The following BCL7C variants were observed in gnomAD, a reference collection of about 807,000 sequenced individuals.
BCL7C encodes the protein B-cell CLL/lymphoma 7 protein family member C.
BCL7C carries 8 observed loss-of-function variants against 26.2 expected under a neutral mutation model. The ratio of observed to expected loss-of-function variants is 0.30; its 90% CI spans 0.18 to 0.55. The LOEUF (loss-of-function observed/expected upper bound fraction) is 0.55. Ranked by LOEUF, BCL7C falls within the 20% of genes least tolerant of loss-of-function variation. The probability of loss-of-function intolerance (pLI) is 0.93; values close to 1 mark genes in which losing one functional copy is unlikely to be tolerated. For synonymous variants in BCL7C, 90 were observed against 116.5 expected (o/e 0.77, Z 1.47); for missense variants, 262 against 298.5 (o/e 0.88, Z 0.90).
In BCL7C at chr16:30,864,077, TAACA is replaced by T. The variant is rs2054800865; in HGVS notation, c.528+24779_528+24782del. On this transcript the variant is annotated intron_variant, in intron 5 of 5. Transcript: ENST00000380317. ...CTCCTAGCCGTTTCTAATCCTTCTT[TAACA>T]AATAATTGCTGGTTTTGCATTTCTC... is the stretch of plus-strand genomic sequence containing the variant. Among the ~76,000 whole-genome samples the T allele has an allele frequency of 2.0e-5, 3 of 152,346 alleles. No individual in the cohort carries two copies. In the East Asian group the frequency reaches 5.8e-4, roughly 29 times the overall value.
intron 5 of BCL7C, among the ~76,000 whole-genome samples, chr16:30,864,124 G>C (rs1450605817): frequency 1.3e-5 from 2 of 151,876 alleles, no homozygotes; most frequent in African/African-American, 4.8e-5. Flanking sequence ...CAAAATCACC[G>C]AGGCCCTGAT....
chr16:30,880,669 A>T (rs1199169816), intron 5 of BCL7C, among the ~76,000 whole-genome samples: 1 of 151,972 alleles, frequency 6.6e-6, no homozygotes, highest in Non-Finnish European at 1.5e-5. Flanking sequence ...CCTTATGCAG[A>T]TGTATGCATT....
chr16:30,836,209 G>A lies in BCL7C; in HGVS notation c.529-1061C>T, dbSNP rs560514003. ...GCAGAAGTTTTAGTGAACCAAGATC[G>A]CATCACTGCACTCCAGCTTTGGTGA... is the stretch of plus-strand genomic sequence containing the variant. On this transcript the variant is annotated intron_variant, in intron 5 of 5. Coordinates refer to the BCL7C transcript ENST00000380317. 6.2e-4 allele frequency among the ~76,000 whole-genome samples: 94 copies of A among 152,286 alleles called. 2 individuals carry two copies. In the South Asian group the frequency reaches 0.018, roughly 29 times the overall value.
chr16:30,853,083 G>A (rs2054690706), intron 5 of BCL7C, among the ~76,000 whole-genome samples: 1 of 151,432 alleles, frequency 6.6e-6, no homozygotes, highest in African/African-American at 2.4e-5. Context: ...TTACAGACAT[G>A]CGCCACCACG....
At chr16:30,846,787 G>T (rs1436704845) in intron 5 of BCL7C, among the ~76,000 whole-genome samples, 1 of 152,198 alleles carries the variant, frequency 6.6e-6, no homozygotes, top group East Asian at 1.9e-4. Context: ...CACACCCTGG[G>T]CTTGAGCTCC....
chr16:30,836,901 C>T (rs181291929), intron 5 of BCL7C, among the ~76,000 whole-genome samples: 1 of 151,946 alleles, frequency 6.6e-6, no homozygotes, highest in East Asian at 1.9e-4. Context: ...TCAAGCGATT[C>T]TCCTGCCTCA....
intron 5 of BCL7C, among the ~76,000 whole-genome samples, chr16:30,879,946 C>T (rs899204108): frequency 1.3e-4 from 20 of 151,168 alleles, no homozygotes; most frequent in Non-Finnish European, 2.7e-4. Context: ...GCCAAGATCA[C>T]GCCACTGCAC....
In BCL7C at chr16:30,865,965, C is replaced by T. The variant is rs373330507; in HGVS notation, c.528+22895G>A. Among the ~76,000 whole-genome samples the T allele has an allele frequency of 3.8e-4, 57 of 150,826 alleles. 1 individual carries two copies. The highest frequency in any genetic ancestry group is 2.5e-3 in the South Asian group (12 of 4,756). ...GGCTAAGCTTGTCTCGAACTCCTGA[C>T]GTCAGGAGATCCATCTGCCTCAGCC... On this transcript the variant is annotated intron_variant, in intron 5 of 5. Transcript: ENST00000380317.
At chr16:30,889,130 C>T (rs1373540545) in intron 4 of BCL7C, among the ~76,000 whole-genome samples, 185 bp from the exon 5 acceptor site, 1 of 152,044 alleles carries the variant, frequency 6.6e-6, no homozygotes, top group South Asian at 2.1e-4. Flanking sequence ...TGTGGGAGCT[C>T]GAGGGTGATG....
At chr16:30,864,124 G>A (rs1450605817) in intron 5 of BCL7C, among the ~76,000 whole-genome samples, 2 of 151,876 alleles carry the variant, frequency 1.3e-5, no homozygotes, top group Admixed American at 6.6e-5. Flanking sequence ...CAAAATCACC[G>A]AGGCCCTGAT....
chr16:30,883,007 C>T (rs778779225), downstream of BCL7C, among the ~76,000 whole-genome samples: 6 of 152,038 alleles, frequency 3.9e-5, no homozygotes, highest in Non-Finnish European at 5.9e-5. Flanking sequence ...TGTGATGCAG[C>T]CATTTGGCTC....
chr16:30,847,700 G>A (rs2054644513), intron 5 of BCL7C, among the ~76,000 whole-genome samples: 1 of 152,076 alleles, frequency 6.6e-6, no homozygotes, highest in Non-Finnish European at 1.5e-5. Flanking sequence ...GGAGGCTGAG[G>A]CAGGAAAGTC....
Position 30,857,160 on chromosome 16 carries a change from G to T in BCL7C, c.529-22012C>A, listed in dbSNP as rs536108001. Among the ~76,000 whole-genome samples, 546 of 151,906 alleles carry T rather than the reference G, an allele frequency of 3.6e-3. 5 individuals are homozygous for T. Among genetic ancestry groups the T allele is most frequent in the Non-Finnish European group, 4.5e-3 (304 of 67,928 alleles). On this transcript the variant is annotated intron_variant, in intron 5 of 5. Transcript: ENST00000380317. ...TCCCAGCACTTTGGGAGGCCGAGGCGGGCAGATCACATGAGGTCAGGAGTT... is the reference window on the plus strand; with the variant it reads ...TCCCAGCACTTTGGGAGGCCGAGGCTGGCAGATCACATGAGGTCAGGAGTT...
At chr16:30,879,689 C>CAAAAAAAAAAAAA (rs1187827463) in intron 5 of BCL7C, among the ~76,000 whole-genome samples, 12,288 of 29,274 alleles carry the variant, frequency 0.42, 5,362 homozygotes, top group East Asian at 0.71. Context: ...CCCTTCTCTA[C>CAAAAAAAAAAAAA]AAAAAAAAAA....
intron 5 of BCL7C, among the ~76,000 whole-genome samples, chr16:30,856,452 A>AG (rs2054723063): frequency 6.6e-6 from 1 of 151,522 alleles, no homozygotes; most frequent in Non-Finnish European, 1.5e-5. Context: ...AAAAAAAAAA[A>AG]AAAAAAAAGT....
chr16:30,852,583 C>A (rs1311176162), intron 5 of BCL7C, among the ~76,000 whole-genome samples: 1 of 151,320 alleles, frequency 6.6e-6, no homozygotes, highest in East Asian at 1.9e-4. Flanking sequence ...CCTCTGCCTC[C>A]CGGGTTCAAG....
chr16:30,851,606 G>T (rs893660339), intron 5 of BCL7C: 19 of 471,704 alleles, frequency 4.0e-5, no homozygotes, highest in African/African-American at 3.4e-4. Flanking sequence ...GGCCCTTTCT[G>T]TTGAGCAGTG....
intron 5 of BCL7C, among the ~76,000 whole-genome samples, chr16:30,873,848 C>CA (rs201448296): frequency 0.95 from 127,436 of 133,548 alleles, 60,880 homozygotes; most frequent in East Asian, 0.99. Context: ...TACACTGTCT[C>CA]AAAAAAAAAA....
chr16:30,870,830 C>T (rs2054876426), intron 5 of BCL7C, among the ~76,000 whole-genome samples: 1 of 152,150 alleles, frequency 6.6e-6, no homozygotes, highest in Admixed American at 6.5e-5. Context: ...TAAGGAGTGG[C>T]CAGAGCAGTA....
Sources: gnomAD v4.1 joint callset for allele counts (sites outside exome capture counted in the v4.1 genomes callset) on GRCh38, gnomAD v4.1.1 for gene constraint, MANE v1.5 for transcripts, NCBI Gene and HGNC (gene_info 2026-07-23, HGNC 2026-07-21) for gene names.